Variants in ADAM23 observed in about 807,000 individuals in gnomAD.
ADAM23 encodes disintegrin and metalloproteinase domain-containing protein 23.
A neutral mutation model predicts 120.1 loss-of-function variants in ADAM23; 33 were observed. The observed-to-expected ratio is 0.27, with a 90% CI of 0.21 to 0.37. ADAM23 has a LOEUF of 0.37. Ranked by LOEUF, ADAM23 falls within the 10% of genes least tolerant of loss-of-function variation. ADAM23 has a pLI of 1.00. For missense variants in ADAM23, 862 were observed against 1,058.2 expected (o/e 0.81, Z 2.57); for synonymous variants, 367 against 375.2 (o/e 0.98, Z 0.25).
At chr2:206,521,211 C>G (rs1022745188) in intron 3 of ADAM23, among the ~76,000 whole-genome samples, 1 of 152,060 alleles carries the variant, frequency 6.6e-6, no homozygotes, top group Admixed American at 6.5e-5. Context: ...ATCACCTTGA[C>G]GGTGAGAGGC....
intron 9 of ADAM23, among the ~76,000 whole-genome samples, chr2:206,555,432 T>TA (rs1697623636): frequency 3.3e-5 from 5 of 152,298 alleles, no homozygotes; most frequent in South Asian, 2.1e-4. Context: ...CACTTCTCTC[T>TA]ACAGTTGTTT....
At chr2:206,582,908 T>C (rs1698246515) in intron 18 of ADAM23, among the ~76,000 whole-genome samples, 2 of 152,214 alleles carry the variant, frequency 1.3e-5, no homozygotes, top group African/African-American at 4.8e-5. Context: ...GTAGAGTTTC[T>C]GCTGAGAAAT....
chr2:206,463,209 G>T (rs1695462138), intron 2 of ADAM23, among the ~76,000 whole-genome samples: 1 of 152,334 alleles, frequency 6.6e-6, no homozygotes, highest in Middle Eastern at 3.4e-3. Flanking sequence ...ACTAAATTGA[G>T]GCTACTGAGA....
intron 2 of ADAM23, among the ~76,000 whole-genome samples, chr2:206,455,971 A>G (rs545447963): frequency 2.0e-5 from 3 of 151,520 alleles, no homozygotes; most frequent in African/African-American, 4.9e-5. Flanking sequence ...AACTGTTCCA[A>G]CCTCCGCCTG....
At chr2:206,526,898 C>T (rs1265164550) in intron 3 of ADAM23, among the ~76,000 whole-genome samples, 2 of 152,170 alleles carry the variant, frequency 1.3e-5, no homozygotes, top group Admixed American at 1.3e-4. Flanking sequence ...CTAGAGTTTT[C>T]ACCACTTTAG....
Position 206,596,074 on chromosome 2 carries a change from C to T in ADAM23, c.2271C>T (p.Cys757=). 6.2e-7 allele frequency: 1 copy of T among 1,613,946 alleles called. No individual in the cohort carries two copies. Among genetic ancestry groups the T allele is most frequent in the Non-Finnish European group, 8.5e-7 (1 of 1,179,918 alleles). Residue 757 remains cysteine (C), a synonymous_variant, in exon 24 of 26, where the codon TGC becomes TGT. Coordinates refer to ENST00000264377, the MANE Select transcript of ADAM23 (RefSeq NM_003812.4). The part of the protein sequence containing the change: ...GHGVCSNEAT[C]ICDFTWAGTD... ...AGGTGTGTAGTAATGAAGCCACCTGCATTTGTGATTTCACCTGGGCAGGGA... is the reference window on the plus strand; with the variant it reads ...AGGTGTGTAGTAATGAAGCCACCTGTATTTGTGATTTCACCTGGGCAGGGA...
intron 9 of ADAM23, among the ~76,000 whole-genome samples, chr2:206,551,838 T>G: frequency 6.6e-6 from 1 of 152,264 alleles, no homozygotes; most frequent in East Asian, 1.9e-4. Context: ...ATTTATTTTC[T>G]GTTCCAGTTG....
chr2:206,571,909 A>G (rs1698009136), intron 17 of ADAM23, 93 bp downstream of exon 17: 1 of 1,142,896 alleles, frequency 8.7e-7, no homozygotes, highest in Non-Finnish European at 1.3e-6. Flanking sequence ...CTTGTCACAA[A>G]TTTCTTGGGT....
chr2:206,565,935 G>T (rs1697867859), intron 14 of ADAM23, among the ~76,000 whole-genome samples: 1 of 152,226 alleles, frequency 6.6e-6, no homozygotes, highest in Non-Finnish European at 1.5e-5. Context: ...TGGGCATGAA[G>T]GTTTGCACAG....
At chr2:206,509,373 T>C (rs572947060) in intron 3 of ADAM23, among the ~76,000 whole-genome samples, 1 of 152,320 alleles carries the variant, frequency 6.6e-6, no homozygotes, top group East Asian at 1.9e-4. Flanking sequence ...ATTTTAAATA[T>C]AAATGATTAA....
At chr2:206,530,580 C>T (rs1198394556) in intron 3 of ADAM23, among the ~76,000 whole-genome samples, 1 of 147,152 alleles carries the variant, frequency 6.8e-6, no homozygotes, top group Non-Finnish European at 1.5e-5. Flanking sequence ...CGCACTACTG[C>T]ACTCCAGCCT....
chr2:206,497,167 C>T (rs1696270809), intron 3 of ADAM23, among the ~76,000 whole-genome samples: 1 of 152,172 alleles, frequency 6.6e-6, no homozygotes, highest in Non-Finnish European at 1.5e-5. Flanking sequence ...CCAGCATCAT[C>T]CTGATACCAA....
At chr2:206,533,997 AATTT>A (rs1697125196) in intron 4 of ADAM23, among the ~76,000 whole-genome samples, 1 of 152,236 alleles carries the variant, frequency 6.6e-6, no homozygotes. Flanking sequence ...TTTAAAAAGT[AATTT>A]ATTTACTTTT....
At position 206,443,901 on chromosome 2, in the gene ADAM23, C is replaced by G; in HGVS notation, c.35C>G (p.Pro12Arg). 1 of 1,189,456 alleles carries G rather than the reference C, an allele frequency of 8.4e-7. No individual in the cohort carries two copies. The highest frequency in any genetic ancestry group is 3.8e-5 in the East Asian group (1 of 25,980). 73.7% of individuals were successfully genotyped at this position (1,189,456 alleles called of 1,614,324 possible). ...KPPGSSSRQP[P>R]LAGCSLAGAS... is the part of the protein sequence containing the mutation. ...CCCGGCAGCAGCTCGCGGCAGCCGC[C>G]CCTGGCGGGCTGCAGCCTTGCCGGC... Residue 12 changes from proline to arginine, a missense_variant, in exon 1 of 26, where the codon CCC (proline) becomes CGC (arginine). Around this residue, in one of 4 missense-constraint regions of ADAM23, gnomAD observed 225 missense variants for 204.0 expected, o/e 1.10. Coordinates refer to ENST00000264377, the MANE Select transcript of ADAM23 (RefSeq NM_003812.4).
chr2:206,524,708 A>G (rs569331685), intron 3 of ADAM23, among the ~76,000 whole-genome samples: 1 of 152,340 alleles, frequency 6.6e-6, no homozygotes, highest in Non-Finnish European at 1.5e-5. Context: ...AGACTTACTC[A>G]CTACCATGAG....
At chr2:206,537,358 T>C in intron 4 of ADAM23, among the ~76,000 whole-genome samples, 1 of 151,656 alleles carries the variant, frequency 6.6e-6, no homozygotes, top group African/African-American at 2.4e-5. Context: ...GGCTGGGAGG[T>C]AGGGTTGATG....
intron 14 of ADAM23, among the ~76,000 whole-genome samples, chr2:206,566,637 G>A (rs1666129412): frequency 1.3e-5 from 2 of 152,136 alleles, no homozygotes; most frequent in African/African-American, 4.8e-5. Flanking sequence ...ATTCATGGAA[G>A]CGTACCCCAA....
chr2:206,516,260 C>A (rs1696728784), intron 3 of ADAM23, among the ~76,000 whole-genome samples: 1 of 148,470 alleles, frequency 6.7e-6, no homozygotes, highest in African/African-American at 2.5e-5. Context: ...AAGAAAAAGC[C>A]AAGTAGTGAT....
chr2:206,482,285 A>G (rs759165043), intron 3 of ADAM23, among the ~76,000 whole-genome samples: 1 of 152,170 alleles, frequency 6.6e-6, no homozygotes, highest in Non-Finnish European at 1.5e-5. Context: ...TTGCCTATGT[A>G]AAGGTATTGC....
Sources: gnomAD v4.1 joint callset for allele counts (sites outside exome capture counted in the v4.1 genomes callset) on GRCh38, gnomAD v4.1.1 for gene constraint, gnomAD v4.1.1 regional missense constraint, MANE v1.5 for transcripts, NCBI Gene and HGNC (gene_info 2026-07-23, HGNC 2026-07-21) for gene names.